The following TIAM1 variants were observed in gnomAD, a reference collection of about 807,000 sequenced individuals.
TIAM1 encodes TIAM Rac1 associated GEF 1.
In TIAM1, 65 loss-of-function variants were observed where a neutral mutation model predicts 163.5. That is an observed-to-expected ratio of 0.40 (90% CI 0.33 to 0.49). The LOEUF is 0.49. Among genes scored for constraint, TIAM1 ranks in the 20% least tolerant of loss-of-function variants. TIAM1 has a pLI of 0.77. For missense variants in TIAM1, 1,789 were observed against 2,044.7 expected (o/e 0.87, Z 2.41); for synonymous variants, 833 against 810.1 (o/e 1.03, Z -0.48).
chr21:31,558,093 G>A (rs1408378329), intron 1 of TIAM1, among the ~76,000 whole-genome samples: 2 of 152,186 alleles, frequency 1.3e-5, no homozygotes, highest in Non-Finnish European at 2.9e-5. Flanking sequence ...GCTGGGGGGC[G>A]CACGGCGCGC....
chr21:31,268,859 GTTCT>G (rs1283858423), intron 3 of TIAM1, among the ~76,000 whole-genome samples: 1 of 152,074 alleles, frequency 6.6e-6, no homozygotes, highest in Non-Finnish European at 1.5e-5. Flanking sequence ...ATGCCTTGGA[GTTCT>G]TTATTTTTTT....
At chr21:31,131,340 A>G (rs980825255) in intron 23 of TIAM1, among the ~76,000 whole-genome samples, 1 of 152,210 alleles carries the variant, frequency 6.6e-6, no homozygotes, top group African/African-American at 2.4e-5. Context: ...GCTGAAGATG[A>G]TTTACATTTA....
At chr21:31,351,128 C>T (rs1431655000) in intron 2 of TIAM1, among the ~76,000 whole-genome samples, 2 of 152,112 alleles carry the variant, frequency 1.3e-5, no homozygotes, top group South Asian at 2.1e-4. Flanking sequence ...TCAGAGAATA[C>T]GACAAACCTG....
chr21:31,323,595 C>T (rs796247731), intron 2 of TIAM1, among the ~76,000 whole-genome samples: 4 of 152,108 alleles, frequency 2.6e-5, no homozygotes, highest in African/African-American at 9.6e-5. Flanking sequence ...CTTTGGGAGG[C>T]CGAGGCGGGT....
chr21:31,510,719 C>G (rs939893489), intron 1 of TIAM1, among the ~76,000 whole-genome samples: 1 of 151,574 alleles, frequency 6.6e-6, no homozygotes, highest in East Asian at 1.9e-4. Flanking sequence ...GAGGCTGAGA[C>G]GGGAGAATTG....
intron 1 of TIAM1, among the ~76,000 whole-genome samples, chr21:31,475,345 G>C (rs2045905125): frequency 6.6e-6 from 1 of 152,052 alleles, no homozygotes; most frequent in Non-Finnish European, 1.5e-5. Context: ...ACTGATTACA[G>C]GAGTAAGCCA....
At chr21:31,290,625 T>G (rs1405797921) in intron 2 of TIAM1, among the ~76,000 whole-genome samples, 1 of 114,132 alleles carries the variant, frequency 8.8e-6, no homozygotes, top group African/African-American at 3.5e-5. Context: ...CCGGCCCCGG[T>G]AACAGAGCAA....
At chr21:31,216,762 G>GT (rs2087237437) in intron 9 of TIAM1, among the ~76,000 whole-genome samples, 1 of 152,148 alleles carries the variant, frequency 6.6e-6, no homozygotes. Context: ...GAAGGGGGCT[G>GT]TGGCAGTGGG....
At chr21:31,250,878 C>A (rs1160377148) in intron 5 of TIAM1, among the ~76,000 whole-genome samples, 2 of 151,170 alleles carry the variant, frequency 1.3e-5, no homozygotes, top group Non-Finnish European at 2.9e-5. Context: ...CAAATACAAG[C>A]ATGGTTATAT....
rs1009549665 is a variant in TIAM1 at position 31,472,529 on chromosome 21, A to T, written c.-421-8494T>A. On this transcript the variant is annotated intron_variant, in intron 1 of 28. Coordinates refer to the TIAM1 transcript ENST00000286827. ...GCAACAAAGCAAGACTGTCTGAAAAAAAATAAATAAATAAAAATAGTGTCT... is the reference window on the plus strand; with the variant it reads ...GCAACAAAGCAAGACTGTCTGAAAATAAATAAATAAATAAAAATAGTGTCT... 5.3e-5 allele frequency among the ~76,000 whole-genome samples: 8 copies of T among 152,174 alleles called. No homozygotes were observed. The East Asian group carries it at 1.2e-3, about 22-fold the overall frequency.
chr21:31,552,114 G>A (rs1478200402), intron 1 of TIAM1, among the ~76,000 whole-genome samples: 1 of 136,822 alleles, frequency 7.3e-6, no homozygotes, highest in African/African-American at 2.8e-5. Flanking sequence ...CTGGAGTGCA[G>A]TGGCGTGATC....
In TIAM1 at chr21:31,118,801, C is replaced by T. The variant is rs935147232; in HGVS notation, c.*1567G>A. 2.8e-6 allele frequency: 1 copy of T among 363,550 alleles called. No individual in the cohort carries two copies. The highest frequency in any genetic ancestry group is 5.5e-6 in the Non-Finnish European group (1 of 183,016). The allele number at this position is 363,550 out of a possible 1,614,324, so 22.5% of individuals were successfully genotyped here. A position where few individuals can be genotyped will look rare whatever the true frequency, so the allele number is the denominator to read the frequency against. On this transcript the variant is annotated 3_prime_UTR_variant, in exon 28 of 28. Coordinates refer to ENST00000541036, the MANE Select transcript of TIAM1 (RefSeq NM_001353694.2). ...TAATAGAATAAAACTTTCAAAAGAT[C>T]AAGCTCGAAGCCCTGGAAACCCGAA...
chr21:31,376,807 A>G (rs1331733189), intron 2 of TIAM1, among the ~76,000 whole-genome samples: 1 of 151,996 alleles, frequency 6.6e-6, no homozygotes, highest in East Asian at 1.9e-4. Context: ...TCTAGAAAGC[A>G]CAAAATTTTA....
intron 2 of TIAM1, among the ~76,000 whole-genome samples, chr21:31,312,188 C>G (rs900364685): frequency 6.6e-6 from 1 of 152,216 alleles, no homozygotes; most frequent in African/African-American, 2.4e-5. Flanking sequence ...CACCTTGTGA[C>G]AGTGTGAGTC....
intron 1 of TIAM1, among the ~76,000 whole-genome samples, chr21:31,481,675 A>C (rs146912560): frequency 5.6e-4 from 86 of 152,296 alleles, no homozygotes; most frequent in African/African-American, 2.0e-3. Context: ...CACAACTCAG[A>C]AACAGCCAAA....
In TIAM1 at chr21:31,182,717, A is replaced by G. The variant is rs2085092793; in HGVS notation, c.2663-72T>C. On this transcript the variant is annotated intron_variant, in intron 14 of 27. Coordinates refer to ENST00000541036, the MANE Select transcript of TIAM1 (RefSeq NM_001353694.2). ...AACACAACAGCTTAGGAGCTCTGCT[A>G]TAAAGGGCACACCTGCTGTGGGTCT... 2.7e-6 allele frequency: 4 copies of G among 1,475,082 alleles called. No individual in the cohort carries two copies. In the South Asian group the frequency reaches 5.4e-5, roughly 20 times the overall value. 91.4% of individuals were successfully genotyped at this position (1,475,082 alleles called of 1,614,324 possible). A position where few individuals can be genotyped will look rare whatever the true frequency, so the allele number is the denominator to read the frequency against.
intron 2 of TIAM1, among the ~76,000 whole-genome samples, chr21:31,459,243 C>T (rs1485436990): frequency 1.3e-5 from 2 of 152,138 alleles, no homozygotes; most frequent in African/African-American, 4.8e-5. Flanking sequence ...TCCTGAGTAA[C>T]TAGGACTACA....
intron 10 of TIAM1, among the ~76,000 whole-genome samples, chr21:31,210,747 G>GAA (rs2086810545): frequency 2.5e-5 from 1 of 39,312 alleles, no homozygotes; most frequent in Non-Finnish European, 4.4e-5. Context: ...AGGAAGGAAG[G>GAA]GAGAAAGAAA....
intron 1 of TIAM1, among the ~76,000 whole-genome samples, chr21:31,475,335 A>C (rs2045904601): frequency 1.3e-5 from 2 of 151,984 alleles, no homozygotes; most frequent in African/African-American, 4.8e-5. Flanking sequence ...ATTACGGATT[A>C]CTGATTACAG....
Sources: gnomAD v4.1 joint callset for allele counts (sites outside exome capture counted in the v4.1 genomes callset) on GRCh38, gnomAD v4.1.1 for gene constraint, MANE v1.5 for transcripts, NCBI Gene and HGNC (gene_info 2026-07-23, HGNC 2026-07-21) for gene names.